Variants in WDR33 observed in about 807,000 individuals in gnomAD.
WDR33 encodes the protein WD repeat domain 33.
A neutral mutation model predicts 164.9 loss-of-function variants in WDR33; 47 were observed. The observed-to-expected ratio is 0.29, with a 90% CI of 0.23 to 0.36. The LOEUF (loss-of-function observed/expected upper bound fraction) is 0.36. WDR33 is among the 10% of genes least tolerant of loss of function. The pLI is 1.00. For synonymous variants in WDR33, 505 were observed against 589.0 expected, an observed-to-expected ratio of 0.86 and a Z score of 2.06; for missense variants, 1,137 against 1,754.1, an observed-to-expected ratio of 0.65 and a Z score of 6.28.
rs1685910223 is a variant in WDR33 at position 127,702,231 on chromosome 2, C to G, written c.*4092G>C. 1.3e-5 allele frequency: 16 copies of G among 1,190,206 alleles called. No homozygotes were observed. In the South Asian group the frequency reaches 1.7e-4, roughly 13 times the overall value. The allele number at this position is 1,190,206 out of a possible 1,614,324, so 73.7% of individuals were successfully genotyped here. ...ACGCGGAGCCAGCGCCGTCGGAGAC[C>G]GCGCCGGCCGAGCTGAGGACTGCAC... On this transcript the variant is annotated 3_prime_UTR_variant, in exon 22 of 22. Coordinates refer to ENST00000322313, the MANE Select transcript of WDR33 (RefSeq NM_018383.5).
rs1251230534 is a variant in WDR33, at chr2:127,763,237, T to A, written c.627-78A>T. 2.5e-6 allele frequency: 4 copies of A among 1,606,748 alleles called. No homozygotes were observed. The highest frequency in any genetic ancestry group is 3.4e-6 in the Non-Finnish European group (4 of 1,175,894). ...TCTGTGCTTCTCAGACAGGGAAAAA[T>A]AAAAACACTGTGCTGCATTATAAAC... is the stretch of plus-strand genomic sequence containing the variant. On this transcript the variant is annotated intron_variant, in intron 6 of 21. Coordinates refer to ENST00000322313, the MANE Select transcript of WDR33 (RefSeq NM_018383.5). The surrounding 1 kb of genome is among the most constrained non-coding windows in gnomAD (Gnocchi z 4.5).
rs770588621 is a variant in WDR33 at position 127,703,427 on chromosome 2, G to A, written c.*2896C>T. ...GATCCCAGTGTTGCCTTAACAGGGTGTCTGTCGTGCCGCAGTAGAGCACTG... is the reference window on the plus strand; with the variant it reads ...GATCCCAGTGTTGCCTTAACAGGGTATCTGTCGTGCCGCAGTAGAGCACTG... On this transcript the variant is annotated 3_prime_UTR_variant, in exon 22 of 22. Transcript: ENST00000322313. 6 of 167,098 alleles carry A rather than the reference G, an allele frequency of 3.6e-5. No homozygotes were observed. Among genetic ancestry groups the A allele is most frequent in the Admixed American group, 1.3e-4 (2 of 15,294 alleles). The allele number at this position is 167,098 out of a possible 1,614,324, so 10.4% of individuals were successfully genotyped here. A position where few individuals can be genotyped will look rare whatever the true frequency, so the allele number is the denominator to read the frequency against.
chr2:127,739,914 A>T (rs1686963106), intron 7 of WDR33, among the ~76,000 whole-genome samples: 1 of 152,252 alleles, frequency 6.6e-6, no homozygotes, highest in Non-Finnish European at 1.5e-5. Flanking sequence ...CAGAAAAAAT[A>T]ACACTGAATT....
intron 18 of WDR33, among the ~76,000 whole-genome samples, chr2:127,711,593 G>A (rs1480972198): frequency 6.7e-6 from 1 of 149,994 alleles, no homozygotes; most frequent in Non-Finnish European, 1.5e-5. Context: ...AACACTGGGA[G>A]CCCTTACGTC....
At chr2:127,753,000 T>G (rs1318448827) in intron 7 of WDR33, among the ~76,000 whole-genome samples, 1 of 152,244 alleles carries the variant, frequency 6.6e-6, no homozygotes. Context: ...GTCGGTTCAT[T>G]GCAACCTCCT....
Position 127,803,120 on chromosome 2 carries a change from TTTTGAAGAA to T in WDR33, c.-24+7883_-24+7891del, listed in dbSNP as rs1689311127. 3.9e-5 allele frequency among the ~76,000 whole-genome samples: 6 copies of T among 152,120 alleles called. No individual in the cohort carries two copies. In the South Asian group the frequency reaches 1.2e-3, roughly 32 times the overall value. On this transcript the variant is annotated intron_variant, in intron 1 of 21. Coordinates refer to ENST00000322313, the MANE Select transcript of WDR33 (RefSeq NM_018383.5). ...GCTGAAAAATGTTATTTCAAGTAACTTTTGAAGAAAGTTCATCTTTAATGCAGTATACGC... is the reference window on the plus strand; with the variant it reads ...GCTGAAAAATGTTATTTCAAGTAACTAGTTCATCTTTAATGCAGTATACGC...
chr2:127,736,736 TTCTTA>T (rs1173225413), intron 7 of WDR33: 1 of 985,302 alleles, frequency 1.0e-6, no homozygotes. Context: ...AGTGAGCAAA[TTCTTA>T]TGACTATATG....
intron 18 of WDR33, among the ~76,000 whole-genome samples, chr2:127,711,780 A>ATTTTTTTTTTTTTTTTTTT (rs1158780905): frequency 6.8e-5 from 6 of 88,306 alleles, no homozygotes; most frequent in African/African-American, 3.2e-4. Context: ...ATATATATAT[A>ATTTTTTTTTTTTTTTTTTT]TTTTTTTTTT....
chr2:127,735,676 G>C lies in WDR33; in HGVS notation c.725-8899C>G. 1.0e-6 allele frequency: 1 copy of C among 985,774 alleles called. No homozygotes were observed. Among genetic ancestry groups the C allele is most frequent in the Non-Finnish European group, 1.2e-6 (1 of 829,924 alleles). 61.1% of individuals were successfully genotyped at this position (985,774 alleles called of 1,614,324 possible). On this transcript the variant is annotated intron_variant, in intron 7 of 21. Transcript: ENST00000322313. This position sits in a 1 kb window ranked among gnomAD's most constrained non-coding sequence, Gnocchi z 4.3. ...CATAAAATGTAACAGATCAGTTTAA[G>C]ACAAAGGGTATATGAGTACCCATGG...
Position 127,804,451 on chromosome 2 carries a change from A to G in WDR33, c.-24+6561T>C, listed in dbSNP as rs543415133. Among the ~76,000 whole-genome samples the G allele has an allele frequency of 2.6e-5, 4 of 152,350 alleles. No individual in the cohort carries two copies. In the South Asian group the frequency reaches 8.3e-4, roughly 32 times the overall value. ...ACTATATAAATGTTCAATGTCCAGA[A>G]TTAGTTAATATTGCGGGTACTTAAC... On this transcript the variant is annotated intron_variant, in intron 1 of 21. Coordinates refer to ENST00000322313, the MANE Select transcript of WDR33 (RefSeq NM_018383.5).
Position 127,808,108 on chromosome 2 carries a change from A to C in WDR33, c.-24+2904T>G, listed in dbSNP as rs150248437. Reference sequence around the variant, plus strand: ...TATCAGAGGAATGAGATTGTCAGTAAATTTCAACAAAGATATTTGAGTTAA... The same window carrying C: ...TATCAGAGGAATGAGATTGTCAGTACATTTCAACAAAGATATTTGAGTTAA... On this transcript the variant is annotated intron_variant, in intron 1 of 21. Coordinates refer to ENST00000322313, the MANE Select transcript of WDR33 (RefSeq NM_018383.5). 2.0e-4 allele frequency among the ~76,000 whole-genome samples: 30 copies of C among 152,358 alleles called. No individual in the cohort carries two copies. In the East Asian group the frequency reaches 2.1e-3, roughly 11 times the overall value.
chr2:127,737,381 G>C, intron 7 of WDR33: 1 of 985,398 alleles, frequency 1.0e-6, no homozygotes, highest in Non-Finnish European at 1.2e-6. Context: ...GTGTATGTTC[G>C]GGCACATGTT....
chr2:127,737,610 A>G, intron 7 of WDR33: 8 of 1,005,702 alleles, frequency 8.0e-6, no homozygotes, highest in Non-Finnish European at 9.5e-6. Context: ...TAATAGATGT[A>G]TTAGTGCCAG....
At chr2:127,792,166 G>A (rs560023347) in intron 1 of WDR33, among the ~76,000 whole-genome samples, 79 of 150,934 alleles carry the variant, frequency 5.2e-4, no homozygotes, top group African/African-American at 1.4e-3. Flanking sequence ...CTCGAACTCC[G>A]GACCTCAGGT....
At chr2:127,793,725 A>G (rs1688922559) in intron 1 of WDR33, among the ~76,000 whole-genome samples, 1 of 152,204 alleles carries the variant, frequency 6.6e-6, no homozygotes, top group Non-Finnish European at 1.5e-5. Context: ...TGGGTGACAG[A>G]GCAAGACCCT....
chr2:127,762,225 CTGTT>C (rs1687699606), intron 7 of WDR33, among the ~76,000 whole-genome samples: 1 of 152,128 alleles, frequency 6.6e-6, no homozygotes, highest in South Asian at 2.1e-4. Context: ...GTAGAAGGTA[CTGTT>C]TGTTAAACAG....
chr2:127,779,783 C>T (rs937795804), intron 1 of WDR33, among the ~76,000 whole-genome samples: 1 of 152,136 alleles, frequency 6.6e-6, no homozygotes, highest in Non-Finnish European at 1.5e-5. Flanking sequence ...AGCTATGGTA[C>T]CAGAATTTGA....
chr2:127,757,816 A>C (rs2105425401), intron 7 of WDR33, among the ~76,000 whole-genome samples: 1 of 152,378 alleles, frequency 6.6e-6, no homozygotes, highest in South Asian at 2.1e-4. Flanking sequence ...CAAACTTTGT[A>C]AATGTGTCTT....
chr2:127,801,164 G>A (rs1321579326), intron 1 of WDR33, among the ~76,000 whole-genome samples: 1 of 151,640 alleles, frequency 6.6e-6, no homozygotes, highest in African/African-American at 2.4e-5. Flanking sequence ...TACACCTGTT[G>A]TCCCAGCCGC....
Sources: allele counts gnomAD v4.1 joint callset (sites outside exome capture counted in the v4.1 genomes callset), GRCh38; gene constraint gnomAD v4.1.1; non-coding constraint Gnocchi (gnomAD v3.1); transcripts MANE v1.5; gene names NCBI Gene and HGNC (gene_info 2026-07-23, HGNC 2026-07-21).